The following PTCHD4 variants were observed in gnomAD, a reference collection of about 807,000 sequenced individuals.
PTCHD4 encodes patched domain containing 4.
In PTCHD4, 33 loss-of-function variants were observed where a neutral mutation model predicts 58.1. The observed-to-expected ratio is 0.57, with a 90% CI of 0.43 to 0.76. The LOEUF is 0.76. Among genes scored for constraint, PTCHD4 ranks in the 30% least tolerant of loss-of-function variants. The pLI, the probability that PTCHD4 is intolerant of heterozygous loss-of-function variation, is 0.00. For synonymous variants in PTCHD4, 478 were observed against 409.6 expected (o/e 1.17, Z -2.02); for missense variants, 1,058 against 1,027.1 (o/e 1.03, Z -0.41).
chr6:48,084,099 G>T (rs1184774844), intron 1 of PTCHD4, among the ~76,000 whole-genome samples: 1 of 151,782 alleles, frequency 6.6e-6, no homozygotes, highest in South Asian at 2.1e-4. Context: ...AAAATTAATT[G>T]CAAATATTAA....
intron 3 of PTCHD4, among the ~76,000 whole-genome samples, chr6:48,037,506 C>T (rs1763682620): frequency 6.6e-6 from 1 of 152,130 alleles, no homozygotes; most frequent in Non-Finnish European, 1.5e-5. Context: ...GAAGTATGCA[C>T]AGATTTGTGT....
chr6:47,987,407 A>T lies in PTCHD4; in HGVS notation c.898+21227T>A, dbSNP rs1336969842. 8.2e-5 allele frequency among the ~76,000 whole-genome samples: 12 copies of T among 147,182 alleles called. No individual in the cohort carries two copies. The East Asian group carries it at 1.5e-3, about 19-fold the overall frequency. ...AAGTACCCTAAACTTAAAGTATAAT[A>T]AAAAAAAAGATTAAAAAAAAAAAAA... On this transcript the variant is annotated intron_variant, in intron 4 of 4. Coordinates refer to ENST00000339488, the MANE Select transcript of PTCHD4 (RefSeq NM_001384253.1).
chr6:47,946,793 C>T (rs780039128), intron 4 of PTCHD4, among the ~76,000 whole-genome samples: 18 of 151,068 alleles, frequency 1.2e-4, no homozygotes, highest in Non-Finnish European at 2.2e-4. Flanking sequence ...TTCTTCAAAC[C>T]TTTCCTCTCT....
chr6:47,864,201 A>G lies in PTCHD4; in HGVS notation c.*14102T>C, dbSNP rs1763498098. On this transcript the variant is annotated 3_prime_UTR_variant, in exon 5 of 5. Coordinates refer to ENST00000339488, the MANE Select transcript of PTCHD4 (RefSeq NM_001384253.1). The stretch of plus-strand genomic sequence containing the variant: ...AGATCTATTGAATCAGAACCTCTGG[A>G]GATGGGGATATGCAGGCTGTGCTTT... Among the ~76,000 whole-genome samples, 1 of 151,874 alleles carries G rather than the reference A, an allele frequency of 6.6e-6. No homozygotes were observed. The highest frequency in any genetic ancestry group is 2.1e-4 in the South Asian group (1 of 4,824).
At chr6:47,991,682 G>A (rs1161882508) in intron 4 of PTCHD4, among the ~76,000 whole-genome samples, 1 of 151,912 alleles carries the variant, frequency 6.6e-6, no homozygotes, top group Non-Finnish European at 1.5e-5. Flanking sequence ...TGTAAGTCGG[G>A]AGGAAGTCTA....
chr6:47,893,320 T>C (rs1290299475), intron 4 of PTCHD4, among the ~76,000 whole-genome samples: 5 of 152,236 alleles, frequency 3.3e-5, no homozygotes, highest in African/African-American at 9.6e-5. Flanking sequence ...GTAGAGATTT[T>C]TCTAAAATGT....
chr6:47,998,208 G>A (rs546164729), intron 4 of PTCHD4, among the ~76,000 whole-genome samples: 2 of 152,190 alleles, frequency 1.3e-5, no homozygotes, highest in South Asian at 4.2e-4. Flanking sequence ...TGATAGACAT[G>A]TATTTGAGGA....
At chr6:47,973,648 C>A (rs1015991387) in intron 4 of PTCHD4, among the ~76,000 whole-genome samples, 6 of 152,204 alleles carry the variant, frequency 3.9e-5, no homozygotes, top group Non-Finnish European at 8.8e-5. Context: ...AGGTTTAGGG[C>A]AGTAGCTGTA....
At position 47,868,024 on chromosome 6, in the gene PTCHD4, A is replaced by G. The variant is rs1353588862; in HGVS notation, c.*10279T>C. On this transcript the variant is annotated 3_prime_UTR_variant, in exon 5 of 5. Coordinates refer to ENST00000339488, the MANE Select transcript of PTCHD4 (RefSeq NM_001384253.1). ...TTAAAGAGTAACAAACTTTTTGGAG[A>G]CTTAGATATGTCAGGGTTTTTCTGA... 6.6e-6 allele frequency among the ~76,000 whole-genome samples: 1 copy of G among 151,658 alleles called. No individual in the cohort carries two copies. The highest frequency in any genetic ancestry group is 2.4e-5 in the African/African-American group (1 of 41,364).
At chr6:47,931,708 T>C (rs1007543125) in intron 4 of PTCHD4, among the ~76,000 whole-genome samples, 4 of 151,594 alleles carry the variant, frequency 2.6e-5, no homozygotes, top group African/African-American at 9.7e-5. Context: ...GCTCTTTGAA[T>C]AAACATATAG....
intron 3 of PTCHD4, among the ~76,000 whole-genome samples, chr6:48,046,628 T>C (rs1044431754): frequency 1.3e-5 from 2 of 151,884 alleles, no homozygotes; most frequent in Non-Finnish European, 2.9e-5. Flanking sequence ...CTTACTGATA[T>C]TATTTTGGAA....
At chr6:47,910,143 A>G (rs1723357142) in intron 4 of PTCHD4, among the ~76,000 whole-genome samples, 1 of 152,126 alleles carries the variant, frequency 6.6e-6, no homozygotes, top group South Asian at 2.1e-4. Flanking sequence ...GACTTTCTCC[A>G]TTGTAGACAT....
intron 4 of PTCHD4, among the ~76,000 whole-genome samples, chr6:47,899,220 T>G (rs1030695332): frequency 2.0e-5 from 3 of 152,232 alleles, no homozygotes; most frequent in Non-Finnish European, 4.4e-5. Flanking sequence ...GTTGCTCCTA[T>G]CTTGGTCTTG....
chr6:47,882,690 G>T (rs966783085), intron 4 of PTCHD4, among the ~76,000 whole-genome samples: 2 of 126,472 alleles, frequency 1.6e-5, no homozygotes, highest in African/African-American at 2.8e-5. Flanking sequence ...GTCTGTTAAG[G>T]GTCAGTTAAA....
intron 1 of PTCHD4, among the ~76,000 whole-genome samples, chr6:48,073,117 C>G (rs1221377940): frequency 2.0e-5 from 3 of 152,086 alleles, no homozygotes; most frequent in Non-Finnish European, 4.4e-5. Context: ...TATTGCAAAT[C>G]TGATTTAAAA....
chr6:47,913,522 C>A (rs1268181902), intron 4 of PTCHD4, among the ~76,000 whole-genome samples: 1 of 152,012 alleles, frequency 6.6e-6, no homozygotes, highest in Non-Finnish European at 1.5e-5. Context: ...AAAGGTTTTG[C>A]ACTTTCAGGG....
chr6:47,935,896 G>A (rs1007025682), intron 4 of PTCHD4, among the ~76,000 whole-genome samples: 2 of 152,220 alleles, frequency 1.3e-5, no homozygotes, highest in African/African-American at 2.4e-5. Context: ...AGGGTAGAGA[G>A]TACCAGTGGC....
chr6:47,953,523 A>G (rs1766734907), intron 4 of PTCHD4, among the ~76,000 whole-genome samples: 1 of 152,192 alleles, frequency 6.6e-6, no homozygotes, highest in South Asian at 2.1e-4. Context: ...AGGTTATAGT[A>G]TGAACATAAG....
At chr6:47,923,411 T>C (rs1765495179) in intron 4 of PTCHD4, among the ~76,000 whole-genome samples, 2 of 152,222 alleles carry the variant, frequency 1.3e-5, no homozygotes, top group South Asian at 4.1e-4. Context: ...ACTCAAGTTA[T>C]AGCACTAAGC....
Sources: allele counts gnomAD v4.1 joint callset (sites outside exome capture counted in the v4.1 genomes callset), GRCh38; gene constraint gnomAD v4.1.1; transcripts MANE v1.5; gene names NCBI Gene and HGNC (gene_info 2026-07-23, HGNC 2026-07-21).